AP3S2: variants seen among roughly 807,000 people sequenced by gnomAD.
The protein encoded by AP3S2 is AP-3 complex subunit sigma-2.
Under a neutral mutation model 23.4 loss-of-function variants are expected in AP3S2, and 22 were observed. The observed-to-expected ratio is 0.94, with a 90% CI of 0.67 to 1.34. AP3S2 has a LOEUF of 1.34. Among genes scored for constraint, AP3S2 ranks in the 40% most tolerant of loss-of-function variants. The pLI, the probability that AP3S2 is intolerant of heterozygous loss-of-function variation, is 0.00. For synonymous variants in AP3S2, 86 were observed against 87.1 expected, an observed-to-expected ratio of 0.99 and a Z score of 0.07; for missense variants, 241 against 236.9, an observed-to-expected ratio of 1.02 and a Z score of -0.11.
intron 4 of AP3S2, among the ~76,000 whole-genome samples, chr15:89,868,711 C>A (rs1896230034): frequency 1.6e-5 from 2 of 122,426 alleles, no homozygotes; most frequent in African/African-American, 3.3e-5. Flanking sequence ...CAGCCCTCCG[C>A]CCGGCCAGCC....
At chr15:89,889,187 T>C (rs780499450) in intron 1 of AP3S2, 47 bp from the exon 2 acceptor site, 8 of 1,606,814 alleles carry the variant, frequency 5.0e-6, no homozygotes, top group Non-Finnish European at 6.8e-6. Context: ...CCTGAAAAAC[T>C]ACATCCCATC....
intron 4 of AP3S2, among the ~76,000 whole-genome samples, chr15:89,859,344 CCTTCCTT>C (rs1430236727): frequency 7.0e-5 from 10 of 142,532 alleles, no homozygotes; most frequent in African/African-American, 2.6e-4. Context: ...TCCTTTCCTT[CCTTCCTT>C]CTTTCCTTCC....
chr15:89,856,931 A>G (rs1160398920), intron 4 of AP3S2, among the ~76,000 whole-genome samples: 2 of 152,012 alleles, frequency 1.3e-5, no homozygotes, highest in East Asian at 1.9e-4. Flanking sequence ...ATTGGGACAC[A>G]TATCTATTTC....
chr15:89,866,475 CCAGA>C (rs1896123312), intron 4 of AP3S2, among the ~76,000 whole-genome samples: 1 of 151,746 alleles, frequency 6.6e-6, no homozygotes, highest in South Asian at 2.1e-4. Context: ...GCTGGCATTC[CCAGA>C]CAACTTCCTT....
intron 5 of AP3S2, among the ~76,000 whole-genome samples, chr15:89,836,824 T>A (rs1158894178): frequency 6.6e-6 from 1 of 152,198 alleles, no homozygotes; most frequent in African/African-American, 2.4e-5. Flanking sequence ...ATAGCTGTGG[T>A]CTGGAAAAGC....
chr15:89,835,211 G>C lies in AP3S2; in HGVS notation c.*304C>G. On this transcript the variant is annotated 3_prime_UTR_variant, in exon 6 of 6. Transcript: ENST00000336418. ...AACCCTTGGGAGCATCCATGTGAGA[G>C]GTAAAGGTGCAAATGACTTGGGCAT... The C allele has an allele frequency of 2.1e-6, 1 of 477,260 alleles. No homozygotes were observed. Among genetic ancestry groups the C allele is most frequent in the Non-Finnish European group, 3.7e-6 (1 of 272,014 alleles). 29.6% of individuals were successfully genotyped at this position (477,260 alleles called of 1,614,324 possible).
chr15:89,833,273 G>GA lies in AP3S2; in HGVS notation c.*2241dup, dbSNP rs1895119398. The GA allele has an allele frequency of 6.6e-6, 1 of 152,140 alleles. No individual in the cohort carries two copies. Among genetic ancestry groups the GA allele is most frequent in the Admixed American group, 6.5e-5 (1 of 15,280 alleles). The allele number at this position is 152,140 out of a possible 1,614,324, so 9.4% of individuals were successfully genotyped here. On this transcript the variant is annotated 3_prime_UTR_variant, in exon 6 of 6. Coordinates refer to ENST00000336418, the MANE Select transcript of AP3S2 (RefSeq NM_005829.5). Reference sequence around the variant, plus strand: ...TATGACATGATCACTGGCCACCTTAGAAAATCAAGCCTATTTAGACCACGG... The same window carrying GA: ...TATGACATGATCACTGGCCACCTTAGAAAAATCAAGCCTATTTAGACCACGG...
intron 4 of AP3S2, among the ~76,000 whole-genome samples, chr15:89,840,954 A>G (rs1182072556): frequency 6.6e-6 from 1 of 152,170 alleles, no homozygotes; most frequent in African/African-American, 2.4e-5. Flanking sequence ...TTGGTGTGTC[A>G]ATATCTTGTA....
intron 3 of AP3S2, among the ~76,000 whole-genome samples, chr15:89,887,704 T>C (rs1386959257): frequency 8.3e-5 from 12 of 144,230 alleles, no homozygotes; most frequent in South Asian, 4.5e-4. Flanking sequence ...GGAGTCTCAC[T>C]CTGTTGCCCA....
chr15:89,879,491 T>TC (rs1896520915), intron 3 of AP3S2, among the ~76,000 whole-genome samples: 1 of 152,126 alleles, frequency 6.6e-6, no homozygotes, highest in Admixed American at 6.5e-5. Context: ...TGATGATACA[T>TC]CCATATTATG....
At chr15:89,843,142 G>A (rs922199221) in intron 4 of AP3S2, among the ~76,000 whole-genome samples, 59 of 151,646 alleles carry the variant, frequency 3.9e-4, no homozygotes, top group African/African-American at 1.2e-3. Context: ...GTGCCACCAC[G>A]CCTGACTAAT....
At chr15:89,881,379 T>C (rs1896566411) in intron 3 of AP3S2, among the ~76,000 whole-genome samples, 1 of 152,176 alleles carries the variant, frequency 6.6e-6, no homozygotes, top group East Asian at 1.9e-4. Context: ...GGTTAGACAA[T>C]AATTAGTTAA....
chr15:89,844,394 G>A (rs1013062313), intron 4 of AP3S2, among the ~76,000 whole-genome samples: 3 of 150,866 alleles, frequency 2.0e-5, no homozygotes, highest in Non-Finnish European at 2.9e-5. Flanking sequence ...CTGGAGTGCA[G>A]TGCCATGATA....
At chr15:89,874,487 T>C (rs551729208) in intron 3 of AP3S2, among the ~76,000 whole-genome samples, 66 of 152,272 alleles carry the variant, frequency 4.3e-4, no homozygotes, top group Non-Finnish European at 8.4e-4. Flanking sequence ...AATAGTATAA[T>C]ACTAAGGCTG....
chr15:89,837,700 A>AC lies in AP3S2; in HGVS notation c.367dup (p.Val123GlyfsTer14). On this transcript the variant is annotated frameshift_variant, in exon 5 of 6. Coordinates refer to ENST00000336418, the MANE Select transcript of AP3S2 (RefSeq NM_005829.5). LOFTEE classifies it high-confidence loss of function. ...TTCCAACACCATCCCACCCATCACC[A>AC]CCTCCTGGAGGATGTAGTGCACCTA... 1 of 1,613,756 alleles carries AC rather than the reference A, an allele frequency of 6.2e-7. No individual in the cohort carries two copies. The highest frequency in any genetic ancestry group is 8.5e-7 in the Non-Finnish European group (1 of 1,179,970).
At chr15:89,838,459 G>A (rs944502428) in intron 4 of AP3S2, among the ~76,000 whole-genome samples, 5 of 152,220 alleles carry the variant, frequency 3.3e-5, no homozygotes, top group Non-Finnish European at 7.3e-5. Context: ...CTGAATCTCA[G>A]TGTACCTAAC....
chr15:89,873,363 C>T (rs1205656672), intron 3 of AP3S2, among the ~76,000 whole-genome samples: 4 of 151,576 alleles, frequency 2.6e-5, no homozygotes, highest in African/African-American at 7.3e-5. Context: ...TGGCTCACTG[C>T]AGCCTCTGCC....
chr15:89,856,080 A>C (rs1159911541), intron 4 of AP3S2, among the ~76,000 whole-genome samples: 1 of 152,128 alleles, frequency 6.6e-6, no homozygotes, highest in African/African-American at 2.4e-5. Context: ...GTAGAGTCAG[A>C]AGCCCACAAA....
intron 3 of AP3S2, among the ~76,000 whole-genome samples, chr15:89,873,015 C>G (rs1216643541): frequency 2.6e-5 from 4 of 152,146 alleles, no homozygotes; most frequent in African/African-American, 9.7e-5. Context: ...ATGCCAAAAA[C>G]CACATACAAT....
Sources: allele counts gnomAD v4.1 joint callset (sites outside exome capture counted in the v4.1 genomes callset), GRCh38; gene constraint gnomAD v4.1.1; transcripts MANE v1.5; gene names NCBI Gene and HGNC (gene_info 2026-07-23, HGNC 2026-07-21).